Variants in FRAS1 observed in about 807,000 individuals in gnomAD.
The protein encoded by FRAS1 is Fraser extracellular matrix complex subunit 1.
FRAS1 carries 290 observed loss-of-function variants against 435.2 expected under a neutral mutation model. That is an observed-to-expected ratio of 0.67 (90% CI 0.61 to 0.73). The LOEUF is 0.73. FRAS1 is among the 30% of genes least tolerant of loss of function. The pLI, the probability that FRAS1 is intolerant of heterozygous loss-of-function variation, is 0.00. For synonymous variants in FRAS1, 1,800 were observed against 1,851.0 expected, an observed-to-expected ratio of 0.97 and a Z score of 0.71; for missense variants, 4,860 against 5,001.5, an observed-to-expected ratio of 0.97 and a Z score of 0.85.
chr4:78,499,462 A>G (rs4975132), intron 60 of FRAS1, among the ~76,000 whole-genome samples: 78,759 of 151,970 alleles, frequency 0.52, 21,027 homozygotes, highest in East Asian at 0.72. Flanking sequence ...AAGTCTCTAC[A>G]AATAATTCCA....
chr4:78,182,180 A>G lies in FRAS1; in HGVS notation c.109-55330A>G, dbSNP rs996260237. The G allele has an allele frequency of 1.8e-5, 12 of 667,958 alleles. No individual in the cohort carries two copies. The African/African-American group carries it at 1.9e-4, about 10-fold the overall frequency. 41.4% of individuals were successfully genotyped at this position (667,958 alleles called of 1,614,324 possible). A position where few individuals can be genotyped will look rare whatever the true frequency, so the allele number is the denominator to read the frequency against. Reference sequence around the variant, plus strand: ...GTATTTAATAATTTCACAAATGACCATAGAATTATATTTGTAAGAAATGCT... The same window carrying G: ...GTATTTAATAATTTCACAAATGACCGTAGAATTATATTTGTAAGAAATGCT... On this transcript the variant is annotated intron_variant, in intron 2 of 73. Transcript: ENST00000512123.
chr4:78,328,939 C>A (rs562167685), intron 18 of FRAS1, among the ~76,000 whole-genome samples: 3 of 152,080 alleles, frequency 2.0e-5, no homozygotes, highest in African/African-American at 7.2e-5. Flanking sequence ...AAAGGCATTA[C>A]CCCCACCAGG....
chr4:78,385,987 C>G (rs1323216732), intron 28 of FRAS1, among the ~76,000 whole-genome samples: 1 of 151,720 alleles, frequency 6.6e-6, no homozygotes, highest in African/African-American at 2.4e-5. Context: ...TCAGTCCTTA[C>G]ACTCAGAAAC....
chr4:78,064,416 T>C (rs1051119793), intron 1 of FRAS1, among the ~76,000 whole-genome samples: 8 of 151,838 alleles, frequency 5.3e-5, no homozygotes, highest in Admixed American at 4.6e-4. Context: ...AAATGACATA[T>C]TTATATTAAT....
In FRAS1 at chr4:78,298,163, C is replaced by T. The variant is rs1323874449; in HGVS notation, c.1535-9903C>T. On this transcript the variant is annotated intron_variant, in intron 14 of 73. Transcript: ENST00000512123. ...ATATTATAAGGTGCATATATATATA[C>T]CTTATATAAAATATAAAATATAAGG... Among the ~76,000 whole-genome samples, 4 of 146,620 alleles carry T rather than the reference C, an allele frequency of 2.7e-5. No individual in the cohort carries two copies. The East Asian group carries it at 7.9e-4, about 29-fold the overall frequency.
intron 2 of FRAS1, among the ~76,000 whole-genome samples, chr4:78,223,455 T>C (rs2110098854): frequency 6.6e-6 from 1 of 152,320 alleles, no homozygotes; most frequent in African/African-American, 2.4e-5. Flanking sequence ...AAAATGTCAA[T>C]GATTAGTTTA....
chr4:78,367,926 T>G (rs1482461372), intron 22 of FRAS1, among the ~76,000 whole-genome samples: 3 of 152,182 alleles, frequency 2.0e-5, no homozygotes, highest in Non-Finnish European at 4.4e-5. Flanking sequence ...ATTGATCAAG[T>G]AAGAAATTAA....
chr4:78,316,089 T>C (rs1199750173), intron 16 of FRAS1, among the ~76,000 whole-genome samples: 1 of 152,250 alleles, frequency 6.6e-6, no homozygotes, highest in African/African-American at 2.4e-5. Context: ...GGTCATATAT[T>C]GGCAACTACA....
chr4:78,303,103 A>G (rs963146066), intron 14 of FRAS1, among the ~76,000 whole-genome samples: 2 of 152,152 alleles, frequency 1.3e-5, no homozygotes, highest in Admixed American at 6.5e-5. Flanking sequence ...AGCACCATTT[A>G]TTAAATAGGG....
At chr4:78,469,827 A>G in intron 50 of FRAS1, 151 bp from the exon 51 acceptor site, 2 of 665,224 alleles carry the variant, frequency 3.0e-6, no homozygotes, top group Non-Finnish European at 5.4e-6. Context: ...GCCTTGTGCC[A>G]GGATGATAAG....
At chr4:78,315,797 G>A (rs890205777) in intron 16 of FRAS1, 63 bp downstream of exon 16, 3 of 1,566,580 alleles carry the variant, frequency 1.9e-6, no homozygotes, top group African/African-American at 2.7e-5. Flanking sequence ...ACTATACTTG[G>A]TGTTATATGT....
At chr4:78,115,113 T>G in intron 2 of FRAS1, among the ~76,000 whole-genome samples, 1 of 151,808 alleles carries the variant, frequency 6.6e-6, no homozygotes, top group Non-Finnish European at 1.5e-5. Context: ...TTGGTTCTGT[T>G]TATATGCTAG....
chr4:78,243,546 G>A (rs943321916), intron 3 of FRAS1, among the ~76,000 whole-genome samples: 16 of 152,014 alleles, frequency 1.1e-4, no homozygotes, highest in African/African-American at 2.9e-4. Flanking sequence ...GCACCCACAT[G>A]CAAAATTTTT....
Position 78,496,795 on chromosome 4 carries a change from T to C in FRAS1, c.8959-10T>C. The C allele has an allele frequency of 6.2e-7, 1 of 1,607,882 alleles. No homozygotes were observed. ...GAAAATTTTAATCTGTCTTGTGCCA[T>C]TGGCTCTAGGTGAAGAACTGTACGG... On this transcript the variant is annotated splice_polypyrimidine_tract_variant and intron_variant, in intron 59 of 73. Transcript: ENST00000512123.
intron 73 of FRAS1, among the ~76,000 whole-genome samples, chr4:78,539,654 G>A (rs1199660965): frequency 2.0e-5 from 3 of 152,126 alleles, no homozygotes; most frequent in African/African-American, 7.2e-5. Context: ...TATTGACTTT[G>A]CATATAGTCA....
At chr4:78,139,734 A>G (rs2109995543) in intron 2 of FRAS1, among the ~76,000 whole-genome samples, 1 of 152,372 alleles carries the variant, frequency 6.6e-6, no homozygotes, top group African/African-American at 2.4e-5. Context: ...CAATATTATT[A>G]GCATTTGTGT....
At chr4:78,327,802 T>A (rs1729778047) in intron 18 of FRAS1, among the ~76,000 whole-genome samples, 1 of 152,180 alleles carries the variant, frequency 6.6e-6, no homozygotes, top group South Asian at 2.1e-4. Flanking sequence ...ACAGAATGAT[T>A]AAGCCTCATA....
At chr4:78,422,475 G>A (rs1733824948) in intron 34 of FRAS1, among the ~76,000 whole-genome samples, 1 of 152,204 alleles carries the variant, frequency 6.6e-6, no homozygotes, top group Non-Finnish European at 1.5e-5. Flanking sequence ...ACTGGCAGTG[G>A]AGGGATGGGT....
rs1475078929 is a variant in FRAS1 at position 78,202,012 on chromosome 4, A to G, written c.109-35498A>G. ...ACCCTCCAGCCTCCAAGACTTTTGG[A>G]CAATGTCTGCAAACATTTTTGGTTG... On this transcript the variant is annotated intron_variant, in intron 2 of 73. Coordinates refer to ENST00000512123, the MANE Select transcript of FRAS1 (RefSeq NM_025074.7). Among the ~76,000 whole-genome samples, 3 of 152,138 alleles carry G rather than the reference A, an allele frequency of 2.0e-5. No homozygotes were observed. The East Asian group carries it at 5.8e-4, about 29-fold the overall frequency.
Sources: allele counts gnomAD v4.1 joint callset (sites outside exome capture counted in the v4.1 genomes callset), GRCh38; gene constraint gnomAD v4.1.1; transcripts MANE v1.5; gene names NCBI Gene and HGNC (gene_info 2026-07-23, HGNC 2026-07-21).